Variants in ELMOD3 observed in about 807,000 individuals in gnomAD.
ELMOD3 encodes ELMO domain-containing protein 3.
ELMOD3 carries 36 observed loss-of-function variants against 47.4 expected under a neutral mutation model. The ratio of observed to expected loss-of-function variants is 0.76; its 90% CI spans 0.58 to 1.00. The LOEUF is 1.00. Among genes scored for constraint, ELMOD3 ranks in the 50% least tolerant of loss-of-function variants. ELMOD3 has a pLI of 0.00. For synonymous variants in ELMOD3, 149 were observed against 183.5 expected (o/e 0.81, Z 1.52); for missense variants, 404 against 463.8 (o/e 0.87, Z 1.18).
At chr2:85,371,869 A>G (rs1320935285) in intron 10 of ELMOD3, 1 of 279,030 alleles carries the variant, frequency 3.6e-6, no homozygotes, top group Non-Finnish European at 7.0e-6. Flanking sequence ...TCCCATCTCT[A>G]CTAAAAATAC....
chr2:85,380,638 G>T (rs190544756), intron 11 of ELMOD3, among the ~76,000 whole-genome samples: 171 of 152,310 alleles, frequency 1.1e-3, no homozygotes, highest in African/African-American at 4.0e-3. Context: ...CGATTCTACT[G>T]CCTCAGCCTC....
chr2:85,389,180 C>T (rs1202838348), intron 11 of ELMOD3, among the ~76,000 whole-genome samples: 2 of 152,214 alleles, frequency 1.3e-5, no homozygotes, highest in African/African-American at 2.4e-5. Context: ...GGGTCTGACC[C>T]GCACAGCTGG....
rs184305076 is a variant in ELMOD3, at chr2:85,377,473, A to G, written c.737A>G (p.Gln246Arg). Residue 246 changes from glutamine to arginine, a missense_variant and splice_region_variant, in exon 11 of 14, where the codon CAG (glutamine) becomes CGG (arginine). Transcript: ENST00000409013. The stretch of plus-strand genomic sequence containing the variant: ...TTCCGCCTGTCTCGTCACCACATCC[A>G]GGTGAGACTTTGGTGGGAAGCCAGA... Reference protein sequence around the residue: ...EIFRLSRHHIQQFPFCLMSVN... With the variant: ...EIFRLSRHHIRQFPFCLMSVN... The G allele has an allele frequency of 3.7e-6, 6 of 1,607,256 alleles. No individual in the cohort carries two copies. The African/African-American group carries it at 6.7e-5, about 18-fold the overall frequency.
intron 11 of ELMOD3, among the ~76,000 whole-genome samples, chr2:85,386,717 T>A (rs1201149184): frequency 6.6e-6 from 1 of 151,004 alleles, no homozygotes; most frequent in Non-Finnish European, 1.5e-5. Context: ...GTTCCCGGGC[T>A]GGGTGTGGTG....
At chr2:85,374,211 A>AT (rs1382731095) in intron 10 of ELMOD3, among the ~76,000 whole-genome samples, 3 of 151,458 alleles carry the variant, frequency 2.0e-5, no homozygotes, top group Admixed American at 6.6e-5. Context: ...CTTTCAAAAT[A>AT]TTTTTTGTGC....
At chr2:85,390,718 A>T in intron 13 of ELMOD3, 42 bp from the exon 14 acceptor site, 1 of 1,545,640 alleles carries the variant, frequency 6.5e-7, no homozygotes, top group African/African-American at 1.4e-5. Context: ...TGTCACCCAG[A>T]GCCCCCTCAA....
Position 85,390,755 on chromosome 2 carries a change from T to C in ELMOD3, c.944-5T>C. 6.4e-7 allele frequency: 1 copy of C among 1,550,540 alleles called. No individual in the cohort carries two copies. Among genetic ancestry groups the C allele is most frequent in the Non-Finnish European group, 8.7e-7 (1 of 1,146,946 alleles). ...CCTTCTGCTCCCCAATTCTCTCTGT[T>C]GCAGAGTTGGAAGTATTGGCCAAGA... On this transcript the variant is annotated splice_region_variant and splice_polypyrimidine_tract_variant and intron_variant, in intron 13 of 13. Coordinates refer to ENST00000409013, the MANE Select transcript of ELMOD3 (RefSeq NM_001135022.2).
At chr2:85,360,587 T>C (rs1271086309) in intron 4 of ELMOD3, among the ~76,000 whole-genome samples, 5 of 152,138 alleles carry the variant, frequency 3.3e-5, no homozygotes, top group African/African-American at 1.2e-4. Flanking sequence ...ACTCCTGACC[T>C]CAAGAGATCC....
chr2:85,388,931 A>T (rs145654303), intron 11 of ELMOD3, among the ~76,000 whole-genome samples: 10 of 152,360 alleles, frequency 6.6e-5, no homozygotes, highest in African/African-American at 1.9e-4. Flanking sequence ...GCACTGGTCT[A>T]TGTGTTCCTC....
intron 10 of ELMOD3, chr2:85,372,437 TGATATG>T (rs1684863035): frequency 6.6e-6 from 1 of 152,180 alleles, no homozygotes; most frequent in African/African-American, 2.4e-5. Flanking sequence ...TTACTGTAAG[TGATATG>T]GAAAACACTG....
chr2:85,362,117 T>G, intron 4 of ELMOD3, 69 bp from the exon 5 acceptor site: 9 of 987,608 alleles, frequency 9.1e-6, no homozygotes, highest in Admixed American at 2.0e-5. Context: ...AAAAAAAGTA[T>G]GACATTTAAA....
chr2:85,366,003 G>C (rs1684356447), intron 6 of ELMOD3, among the ~76,000 whole-genome samples: 1 of 151,856 alleles, frequency 6.6e-6, no homozygotes, highest in Non-Finnish European at 1.5e-5. Flanking sequence ...TTGGCGCCCA[G>C]GCTAGAGTGC....
At chr2:85,370,404 G>A (rs892390230) in intron 8 of ELMOD3, among the ~76,000 whole-genome samples, 10 of 147,302 alleles carry the variant, frequency 6.8e-5, no homozygotes, top group African/African-American at 2.5e-4. Flanking sequence ...GCAACAGAGT[G>A]AAACCCTGTC....
chr2:85,371,307 T>C (rs1684773834), intron 9 of ELMOD3, 98 bp downstream of exon 9: 1 of 1,604,634 alleles, frequency 6.2e-7, no homozygotes, highest in South Asian at 1.1e-5. Flanking sequence ...ATATTGCATG[T>C]ACCATGGTTG....
intron 6 of ELMOD3, chr2:85,367,514 C>T (rs1181743661): frequency 1.3e-5 from 2 of 152,208 alleles, no homozygotes; most frequent in African/African-American, 4.8e-5. Flanking sequence ...ACAAATGTTC[C>T]TCGAGTTACA....
In ELMOD3 at chr2:85,371,216, G is replaced by A; in HGVS notation, c.484+7G>A. ...GTCCTGACCATTGCTCAGTGTGAGTGCAATGCGAGCCCACAGGGCAGTTGC... is the reference window on the plus strand; with the variant it reads ...GTCCTGACCATTGCTCAGTGTGAGTACAATGCGAGCCCACAGGGCAGTTGC... On this transcript the variant is annotated splice_region_variant and intron_variant, in intron 9 of 13. Coordinates refer to ENST00000409013, the MANE Select transcript of ELMOD3 (RefSeq NM_001135022.2). The A allele has an allele frequency of 6.2e-7, 1 of 1,614,228 alleles. No individual in the cohort carries two copies. The highest frequency in any genetic ancestry group is 1.1e-5 in the South Asian group (1 of 91,086).
At position 85,376,018 on chromosome 2, in the gene ELMOD3, G is replaced by C. The variant is rs1685146547; in HGVS notation, c.608-1326G>C. 1.3e-5 allele frequency among the ~76,000 whole-genome samples: 2 copies of C among 152,028 alleles called. No homozygotes were observed. The highest frequency in any genetic ancestry group is 2.4e-5 in the African/African-American group (1 of 41,388). On this transcript the variant is annotated intron_variant, in intron 10 of 13. Transcript: ENST00000409013. The surrounding 1 kb of genome is among the most constrained non-coding windows in gnomAD (Gnocchi z 4.2). Reference sequence around the variant, plus strand: ...ACAGTCCAGGATCATCTCCCTCTCTGCTGATCAGCAACCTTAATTCTACCT... The same window carrying C: ...ACAGTCCAGGATCATCTCCCTCTCTCCTGATCAGCAACCTTAATTCTACCT...
chr2:85,365,718 G>A (rs61593569), intron 6 of ELMOD3, among the ~76,000 whole-genome samples: 12,001 of 152,196 alleles, frequency 0.079, 595 homozygotes, highest in South Asian at 0.15. Context: ...TGACTAACCT[G>A]TTTTGACAGC....
At position 85,357,008 on chromosome 2, in the gene ELMOD3, C is replaced by G. The variant is rs150320236; in HGVS notation, c.-191C>G. 454 of 484,426 alleles carry G rather than the reference C, an allele frequency of 9.4e-4. No homozygotes were observed. Among genetic ancestry groups the G allele is most frequent in the African/African-American group, 8.2e-3 (404 of 49,566 alleles). The allele number at this position is 484,426 out of a possible 1,614,324, so 30.0% of individuals were successfully genotyped here. On this transcript the variant is annotated 5_prime_UTR_variant, in exon 4 of 14. Transcript: ENST00000409013. ...ACCTCAGAGGACTTCTCTCAGCACT[C>G]ACAGAAACCTCCTACACCCTCGGAT...
Sources: gnomAD v4.1 joint callset for allele counts (sites outside exome capture counted in the v4.1 genomes callset) on GRCh38, gnomAD v4.1.1 for gene constraint, Gnocchi (gnomAD v3.1) non-coding constraint, MANE v1.5 for transcripts, NCBI Gene and HGNC (gene_info 2026-07-23, HGNC 2026-07-21) for gene names.